APBA2: variants seen among roughly 807,000 people sequenced by gnomAD.
The protein encoded by APBA2 is amyloid beta precursor protein binding family A member 2.
Under a neutral mutation model 75.0 loss-of-function variants are expected in APBA2, and 30 were observed. That is an observed-to-expected ratio of 0.40 (90% CI 0.30 to 0.54). APBA2 has a LOEUF of 0.54. APBA2 is among the 20% of genes least tolerant of loss of function. The pLI, the probability that APBA2 is intolerant of heterozygous loss-of-function variation, is 0.49. For synonymous variants in APBA2, 444 were observed against 409.6 expected (o/e 1.08, Z -1.01); for missense variants, 801 against 1,016.1 (o/e 0.79, Z 2.88).
intron 1 of APBA2, among the ~76,000 whole-genome samples, chr15:28,896,575 G>A (rs1054441698): frequency 6.6e-5 from 10 of 152,148 alleles, no homozygotes; most frequent in Admixed American, 1.3e-4. Context: ...CACCGCGCCT[G>A]GCCTCTTTCT....
chr15:29,108,395 T>C lies in APBA2; in HGVS notation c.2037+6T>C, dbSNP rs1451376868. 6.2e-7 allele frequency: 1 copy of C among 1,613,796 alleles called. No homozygotes were observed. Among genetic ancestry groups the C allele is most frequent in the Non-Finnish European group, 8.5e-7 (1 of 1,180,006 alleles). On this transcript the variant is annotated splice_donor_region_variant and intron_variant, in intron 13 of 14. Coordinates refer to ENST00000683413, the MANE Select transcript of APBA2 (RefSeq NM_001353788.2). ...TCAGCGTGCAGAATGGAATTGTGAG[T>C]TCCCCCTCCTGCTCTGGGCCACCAC...
intron 1 of APBA2, among the ~76,000 whole-genome samples, chr15:28,914,049 GT>G (rs2152655081): frequency 6.6e-6 from 1 of 152,300 alleles, no homozygotes; most frequent in East Asian, 1.9e-4. Flanking sequence ...GAAACATTGG[GT>G]TTTTAAAAAA....
intron 3 of APBA2, among the ~76,000 whole-genome samples, chr15:29,003,091 C>T (rs1458387410): frequency 6.6e-6 from 1 of 152,042 alleles, no homozygotes; most frequent in Non-Finnish European, 1.5e-5. Flanking sequence ...CAGAGGCCAG[C>T]TTGACCTGTG....
intron 2 of APBA2, among the ~76,000 whole-genome samples, chr15:28,952,085 G>A (rs1040739350): frequency 6.6e-6 from 1 of 151,438 alleles, no homozygotes; most frequent in Non-Finnish European, 1.5e-5. Flanking sequence ...TTTTTTGAAT[G>A]CACGACCCCA....
intron 4 of APBA2, among the ~76,000 whole-genome samples, chr15:29,056,610 C>CTCCCTCCCCCCCTCCCT (rs1555402764): frequency 2.2e-5 from 1 of 45,930 alleles, no homozygotes; most frequent in Non-Finnish European, 3.8e-5. Context: ...CCCTCCCTCC[C>CTCCCTCCCCCCCTCCCT]TCCTTCTCTC....
intron 3 of APBA2, among the ~76,000 whole-genome samples, chr15:29,023,441 C>CTTTTTTTTTTTTTTTTTT (rs10604525): frequency 2.7e-5 from 2 of 73,302 alleles, no homozygotes; most frequent in Non-Finnish European, 4.8e-5. Context: ...TACCTTTTTC[C>CTTTTTTTTTTTTTTTTTT]TTTTTTTTTT....
In APBA2 at chr15:29,054,724, G is replaced by A. The variant is rs754082041; in HGVS notation, c.840G>A (p.Arg280=). 9.9e-6 allele frequency: 16 copies of A among 1,612,934 alleles called. No individual in the cohort carries two copies. Among genetic ancestry groups the A allele is most frequent in the Non-Finnish European group, 1.4e-5 (16 of 1,179,996 alleles). Residue 280 remains arginine (R), a synonymous_variant, in exon 4 of 15, where the codon AGG becomes AGA. Coordinates refer to ENST00000683413, the MANE Select transcript of APBA2 (RefSeq NM_001353788.2). The surrounding 1 kb of genome is among the most constrained non-coding windows in gnomAD (Gnocchi z 6.1). The part of the protein sequence containing the change: ...ASCSPSRHEA[R]PKSLNLLPEA... ...GCAGCCCCAGCAGGCACGAGGCGAG[G>A]CCCAAGTCGCTGAACCTCCTTCCCG...
At chr15:29,107,405 C>G (rs925860750) in intron 12 of APBA2, among the ~76,000 whole-genome samples, 1 of 152,190 alleles carries the variant, frequency 6.6e-6, no homozygotes, top group Admixed American at 6.5e-5. Context: ...TGGGTTCTGC[C>G]TGCTGCTGGC....
intron 2 of APBA2, among the ~76,000 whole-genome samples, chr15:28,974,932 A>G (rs1008474258): frequency 2.0e-5 from 3 of 152,186 alleles, no homozygotes; most frequent in African/African-American, 7.2e-5. Context: ...AATGAGAAAA[A>G]AATGAAACTG....
chr15:28,931,501 C>T (rs1174089634), intron 2 of APBA2, among the ~76,000 whole-genome samples: 1 of 152,184 alleles, frequency 6.6e-6, no homozygotes, highest in Non-Finnish European at 1.5e-5. Context: ...TTCACTGGGA[C>T]CTGGTGCTGT....
chr15:28,935,049 G>A (rs2034779632), intron 2 of APBA2, among the ~76,000 whole-genome samples: 1 of 152,182 alleles, frequency 6.6e-6, no homozygotes, highest in African/African-American at 2.4e-5. Context: ...CATGCTCAGT[G>A]TAGCCTTGTT....
intron 2 of APBA2, among the ~76,000 whole-genome samples, chr15:28,948,558 T>G (rs1432653811): frequency 6.6e-6 from 1 of 152,198 alleles, no homozygotes; most frequent in Non-Finnish European, 1.5e-5. Context: ...GCAGCTTCAC[T>G]GGCTGTCAGA....
intron 2 of APBA2, 36 bp downstream of exon 2, chr15:28,921,785 A>G (rs976709190): frequency 2.6e-5 from 4 of 152,136 alleles, no homozygotes; most frequent in Non-Finnish European, 4.4e-5. Flanking sequence ...ACTGCACTTA[A>G]TGTGGCATTC....
intron 2 of APBA2, among the ~76,000 whole-genome samples, chr15:28,982,617 G>A (rs1294931381): frequency 6.6e-6 from 1 of 152,312 alleles, no homozygotes; most frequent in African/African-American, 2.4e-5. Context: ...ATATTCGATT[G>A]TCAGAAGTCC....
chr15:28,906,492 G>A (rs564957093), intron 1 of APBA2, among the ~76,000 whole-genome samples: 3 of 152,292 alleles, frequency 2.0e-5, no homozygotes, highest in South Asian at 4.1e-4. Flanking sequence ...GGTTGTTTCC[G>A]TAGCATAGGT....
chr15:28,912,071 A>C (rs2033455174), intron 1 of APBA2, among the ~76,000 whole-genome samples: 1 of 152,170 alleles, frequency 6.6e-6, no homozygotes, highest in Non-Finnish European at 1.5e-5. Flanking sequence ...TTTTAGTTTC[A>C]TATCAGTTCC....
At chr15:28,972,273 A>G (rs192931046) in intron 2 of APBA2, among the ~76,000 whole-genome samples, 33 of 152,342 alleles carry the variant, frequency 2.2e-4, no homozygotes, top group Non-Finnish European at 3.5e-4. Flanking sequence ...AAACAAGGCA[A>G]TGGAACAGAA....
At chr15:28,978,768 C>T (rs1260201672) in intron 2 of APBA2, among the ~76,000 whole-genome samples, 1 of 152,226 alleles carries the variant, frequency 6.6e-6, no homozygotes, top group Non-Finnish European at 1.5e-5. Context: ...TCCAGGACTG[C>T]AGGAGGGTGG....
At position 29,046,456 on chromosome 15, in the gene APBA2, G is replaced by A. The variant is rs1200074198; in HGVS notation, c.-40-7389G>A. ...TCCTTGCTCTCCACCCCCTGGAGTA[G>A]GGGAAGAAGGCTTGGAATGTGGTGG... On this transcript the variant is annotated intron_variant, in intron 3 of 14. Coordinates refer to ENST00000683413, the MANE Select transcript of APBA2 (RefSeq NM_001353788.2). The surrounding 1 kb of genome is among the most constrained non-coding windows in gnomAD (Gnocchi z 5.0). 1.3e-5 allele frequency among the ~76,000 whole-genome samples: 2 copies of A among 152,312 alleles called. No individual in the cohort carries two copies. The highest frequency in any genetic ancestry group is 3.9e-4 in the East Asian group (2 of 5,170).
Sources: gnomAD v4.1 joint callset for allele counts (sites outside exome capture counted in the v4.1 genomes callset) on GRCh38, gnomAD v4.1.1 for gene constraint, Gnocchi (gnomAD v3.1) non-coding constraint, MANE v1.5 for transcripts, NCBI Gene and HGNC (gene_info 2026-07-23, HGNC 2026-07-21) for gene names.